Variants in PDS5A observed in about 807,000 individuals in gnomAD.
PDS5A encodes PDS5 cohesin associated factor A, also known as sister chromatid cohesion protein PDS5 homolog A.
In PDS5A, 42 loss-of-function variants were observed where a neutral mutation model predicts 167.1. The ratio of observed to expected loss-of-function variants is 0.25; its 90% CI spans 0.20 to 0.33. The LOEUF is 0.33. Among genes scored for constraint, PDS5A ranks in the 10% least tolerant of loss-of-function variants. PDS5A has a pLI of 1.00. For synonymous variants in PDS5A, 553 were observed against 554.6 expected, an observed-to-expected ratio of 1.00 and a Z score of 0.04; for missense variants, 1,033 against 1,605.9, an observed-to-expected ratio of 0.64 and a Z score of 6.10.
chr4:39,857,506 T>G (rs1718636079), intron 26 of PDS5A, among the ~76,000 whole-genome samples: 1 of 152,094 alleles, frequency 6.6e-6, no homozygotes, highest in South Asian at 2.1e-4. Context: ...AATATACAGC[T>G]ATTTTGCAAA....
intron 26 of PDS5A, among the ~76,000 whole-genome samples, chr4:39,858,204 C>T (rs1299336632): frequency 6.6e-6 from 1 of 152,106 alleles, no homozygotes; most frequent in Non-Finnish European, 1.5e-5. Flanking sequence ...ATCAAAAGTA[C>T]AATGGAATTT....
At chr4:39,924,132 G>A (rs1418719797) in intron 5 of PDS5A, among the ~76,000 whole-genome samples, 2 of 152,106 alleles carry the variant, frequency 1.3e-5, no homozygotes, top group Non-Finnish European at 2.9e-5. Context: ...AACAGGCCTG[G>A]GCTGTCCTCC....
At chr4:39,863,855 G>A (rs1028532945) in intron 23 of PDS5A, among the ~76,000 whole-genome samples, 2 of 152,130 alleles carry the variant, frequency 1.3e-5, no homozygotes, top group African/African-American at 2.4e-5. Context: ...AAGTGGCCAG[G>A]CATGGTGGCT....
chr4:39,923,590 C>T (rs946706124), intron 5 of PDS5A, among the ~76,000 whole-genome samples: 1 of 149,596 alleles, frequency 6.7e-6, no homozygotes, highest in Non-Finnish European at 1.5e-5. Flanking sequence ...AAGCCATGAT[C>T]GTGCCACTGC....
chr4:39,960,585 C>T (rs1403438564), intron 2 of PDS5A, among the ~76,000 whole-genome samples: 1 of 151,980 alleles, frequency 6.6e-6, no homozygotes, highest in Non-Finnish European at 1.5e-5. Flanking sequence ...CTTCCTCTGT[C>T]ACACAGGCTA....
chr4:39,836,615 A>ATTTTTTTTTTTTTTTT (rs71645192), intron 32 of PDS5A, among the ~76,000 whole-genome samples: 1 of 106,162 alleles, frequency 9.4e-6, no homozygotes, highest in African/African-American at 3.7e-5. Flanking sequence ...ATTTTTTTCT[A>ATTTTTTTTTTTTTTTT]TTTTTTTTTT....
chr4:39,927,567 A>G (rs1451944981), intron 3 of PDS5A, among the ~76,000 whole-genome samples: 1 of 152,240 alleles, frequency 6.6e-6, no homozygotes, highest in Non-Finnish European at 1.5e-5. Context: ...ATGAGCATAT[A>G]GTTTTGCATG....
Position 39,866,850 on chromosome 4 carries a change from A to T in PDS5A, c.2642+11T>A. ...AGCACTAAGAAAACTGGAAAGAAAG[A>T]AAAATCTCACCTGATCCTCTTTTGC... On this transcript the variant is annotated intron_variant, in intron 23 of 32. Coordinates refer to ENST00000303538, the MANE Select transcript of PDS5A (RefSeq NM_001100399.2). 1 of 1,591,946 alleles carries T rather than the reference A, an allele frequency of 6.3e-7. No individual in the cohort carries two copies. The highest frequency in any genetic ancestry group is 8.5e-7 in the Non-Finnish European group (1 of 1,172,676).
intron 2 of PDS5A, among the ~76,000 whole-genome samples, chr4:39,967,732 G>A (rs2109819757): frequency 6.6e-6 from 1 of 151,914 alleles, no homozygotes; most frequent in Admixed American, 6.6e-5. Flanking sequence ...GGCCAAGGCA[G>A]GCAGATTATG....
intron 2 of PDS5A, among the ~76,000 whole-genome samples, chr4:39,947,084 A>G (rs77023477): frequency 6.6e-6 from 1 of 151,748 alleles, no homozygotes; most frequent in African/African-American, 2.4e-5. Flanking sequence ...CTCTATTGAG[A>G]AAAAAAAATT....
At chr4:39,960,035 G>A (rs1470648420) in intron 2 of PDS5A, among the ~76,000 whole-genome samples, 1 of 152,180 alleles carries the variant, frequency 6.6e-6, no homozygotes, top group Non-Finnish European at 1.5e-5. Context: ...GGAGGTTGCA[G>A]TGAGCTGAGA....
intron 2 of PDS5A, among the ~76,000 whole-genome samples, chr4:39,961,677 T>A (rs1729491600): frequency 6.6e-6 from 1 of 152,022 alleles, no homozygotes; most frequent in Non-Finnish European, 1.5e-5. Context: ...TACAGGCATG[T>A]GGCACCGCAC....
intron 2 of PDS5A, among the ~76,000 whole-genome samples, chr4:39,951,106 T>C (rs917411288): frequency 2.6e-5 from 4 of 152,126 alleles, no homozygotes; most frequent in Non-Finnish European, 4.4e-5. Context: ...TTGCCCAGGC[T>C]GGTCTCAAAT....
intron 2 of PDS5A, among the ~76,000 whole-genome samples, chr4:39,949,953 T>TG (rs1299767257): frequency 1.3e-5 from 2 of 151,998 alleles, no homozygotes; most frequent in Non-Finnish European, 2.9e-5. Context: ...TTGCCCAGGA[T>TG]GGAGTGTAAT....
intron 2 of PDS5A, among the ~76,000 whole-genome samples, chr4:39,956,699 T>C (rs944793849): frequency 1.3e-5 from 2 of 151,386 alleles, no homozygotes; most frequent in Non-Finnish European, 1.5e-5. Context: ...TGGAGACAGG[T>C]TCTCACTCTG....
Position 39,898,892 on chromosome 4 carries a change from T to C in PDS5A, c.1582-67A>G. 3.2e-6 allele frequency: 3 copies of C among 926,180 alleles called. No homozygotes were observed. In the East Asian group the frequency reaches 7.7e-5, roughly 24 times the overall value. 57.4% of individuals were successfully genotyped at this position (926,180 alleles called of 1,614,324 possible). A position where few individuals can be genotyped will look rare whatever the true frequency, so the allele number is the denominator to read the frequency against. On this transcript the variant is annotated intron_variant, in intron 14 of 32. Coordinates refer to ENST00000303538, the MANE Select transcript of PDS5A (RefSeq NM_001100399.2). Reference sequence around the variant, plus strand: ...TGTTAACAAATTTCCCTAACAAAAATCAATACTCATTACTGTACATTTTTC... The same window carrying C: ...TGTTAACAAATTTCCCTAACAAAAACCAATACTCATTACTGTACATTTTTC...
intron 11 of PDS5A, among the ~76,000 whole-genome samples, chr4:39,907,099 T>C (rs1294060757): frequency 1.3e-5 from 2 of 152,154 alleles, no homozygotes; most frequent in East Asian, 1.9e-4. Flanking sequence ...GATTCATTTA[T>C]TCAACTTTCT....
At chr4:39,973,233 A>T (rs1730732944) in intron 2 of PDS5A, 1 of 1,398,372 alleles carries the variant, frequency 7.2e-7, no homozygotes. Flanking sequence ...GAACAGAGTG[A>T]CTCTGGACTC....
intron 2 of PDS5A, chr4:39,932,319 G>C (rs925086986): frequency 2.0e-5 from 3 of 152,438 alleles, no homozygotes; most frequent in African/African-American, 7.2e-5. Context: ...AGGAATCCCA[G>C]ACTATTCAAA....
Sources: allele counts gnomAD v4.1 joint callset (sites outside exome capture counted in the v4.1 genomes callset), GRCh38; gene constraint gnomAD v4.1.1; transcripts MANE v1.5; gene names NCBI Gene and HGNC (gene_info 2026-07-23, HGNC 2026-07-21).